PGBD2: variants seen among roughly 807,000 people sequenced by gnomAD.
PGBD2 encodes piggyBac transposable element-derived protein 2.
PGBD2 carries 6 observed loss-of-function variants against 8.1 expected under a neutral mutation model. The observed-to-expected ratio is 0.74, with a 90% CI of 0.40 to 1.46. The LOEUF (loss-of-function observed/expected upper bound fraction) is 1.46, where lower values mean the gene tolerates loss of function less well. PGBD2 is among the 40% of genes most tolerant of loss of function. The pLI, the probability that PGBD2 is intolerant of heterozygous loss-of-function variation, is 0.02. For missense variants in PGBD2, 802 were observed against 739.0 expected (o/e 1.09, Z -0.99); for synonymous variants, 318 against 272.2 (o/e 1.17, Z -1.66).
the PGBD2 span, among the ~76,000 whole-genome samples, chr1:248,889,430 G>A: frequency 8.6e-5 from 13 of 151,952 alleles, no homozygotes; most frequent in Admixed American, 7.9e-4. Flanking sequence ...TTACTGAGCC[G>A]GACACTGTAC....
chr1:248,927,756 A>T, the PGBD2 span, among the ~76,000 whole-genome samples: 1 of 152,340 alleles, frequency 6.6e-6, no homozygotes, highest in East Asian at 1.9e-4. Context: ...GAGTGAACAT[A>T]CACTGGAATT....
the PGBD2 span, among the ~76,000 whole-genome samples, chr1:248,890,436 C>T: frequency 6.6e-6 from 1 of 152,116 alleles, no homozygotes; most frequent in Non-Finnish European, 1.5e-5. Flanking sequence ...GAATCTTGCC[C>T]AAGGTCACAA....
the PGBD2 span, among the ~76,000 whole-genome samples, chr1:248,874,784 A>G: frequency 6.6e-6 from 1 of 152,168 alleles, no homozygotes; most frequent in Non-Finnish European, 1.5e-5. Context: ...ATAAGTAGAG[A>G]TAATTGAAAT....
chr1:248,885,828 G>A, the PGBD2 span, among the ~76,000 whole-genome samples: 1 of 152,208 alleles, frequency 6.6e-6, no homozygotes, highest in African/African-American at 2.4e-5. Context: ...TCAAAGTAAA[G>A]CAGAGATGCA....
rs1193754921 is a variant in PGBD2, at chr1:248,918,411, A to T, written c.*48A>T. 6.7e-7 allele frequency: 1 copy of T among 1,496,870 alleles called. No individual in the cohort carries two copies. The highest frequency in any genetic ancestry group is 8.9e-7 in the Non-Finnish European group (1 of 1,118,556). The allele number at this position is 1,496,870 out of a possible 1,614,324, so 92.7% of individuals were successfully genotyped here. A position where few individuals can be genotyped will look rare whatever the true frequency, so the allele number is the denominator to read the frequency against. The stretch of plus-strand genomic sequence containing the variant: ...GTTTATAATGAGATGTTTACAGTTA[A>T]ATACAGATGGCAGTTGAGCACTTCT... On this transcript the variant is annotated 3_prime_UTR_variant, in exon 3 of 3. Coordinates refer to ENST00000329291, the MANE Select transcript of PGBD2 (RefSeq NM_170725.3).
At chr1:248,890,910 C>A in the PGBD2 span, among the ~76,000 whole-genome samples, 1 of 151,540 alleles carries the variant, frequency 6.6e-6, no homozygotes, top group Non-Finnish European at 1.5e-5. Flanking sequence ...CAGATACACA[C>A]ATGCACCACA....
the PGBD2 span, among the ~76,000 whole-genome samples, chr1:248,882,346 C>CAGT: frequency 1.3e-5 from 2 of 152,100 alleles, no homozygotes; most frequent in Admixed American, 1.3e-4. Context: ...TGCAGAAGTA[C>CAGT]AGTATACAGA....
upstream of PGBD2, among the ~76,000 whole-genome samples, chr1:248,901,386 A>C (rs1661529844): frequency 1.3e-5 from 2 of 152,224 alleles, no homozygotes; most frequent in Admixed American, 6.5e-5. Flanking sequence ...ACTGGTACAA[A>C]AATGACACAT....
At chr1:248,885,812 G>A in the PGBD2 span, among the ~76,000 whole-genome samples, 1 of 152,124 alleles carries the variant, frequency 6.6e-6, no homozygotes, top group Non-Finnish European at 1.5e-5. Flanking sequence ...TATCTAAATT[G>A]GCAATTCAAA....
At chr1:248,901,008 A>C in the PGBD2 span, among the ~76,000 whole-genome samples, 1 of 152,186 alleles carries the variant, frequency 6.6e-6, no homozygotes, top group African/African-American at 2.4e-5. Context: ...CAAACAAAAT[A>C]AAATACCTAG....
chr1:248,901,921 AAAAC>A (rs770092806), upstream of PGBD2, among the ~76,000 whole-genome samples: 3 of 152,188 alleles, frequency 2.0e-5, no homozygotes, highest in South Asian at 2.1e-4. Flanking sequence ...TACAAGAACA[AAAAC>A]AAACAGCCCC....
At chr1:248,927,093 C>CA in the PGBD2 span, among the ~76,000 whole-genome samples, 3 of 152,274 alleles carry the variant, frequency 2.0e-5, no homozygotes, top group East Asian at 5.8e-4. Context: ...AGCTGACACA[C>CA]AAAGGCTGGC....
At chr1:248,908,964 G>A (rs140810126) in intron 1 of PGBD2, among the ~76,000 whole-genome samples, 378 of 152,112 alleles carry the variant, frequency 2.5e-3, no homozygotes, top group African/African-American at 8.5e-3. Context: ...TCCGTTTTAC[G>A]GGTTTTGATA....
chr1:248,897,310 G>A, the PGBD2 span, among the ~76,000 whole-genome samples: 3 of 138,552 alleles, frequency 2.2e-5, no homozygotes, highest in African/African-American at 1.0e-4. Context: ...CAGGATGTGA[G>A]GTCCCGTGCC....
the PGBD2 span, among the ~76,000 whole-genome samples, chr1:248,897,168 T>C: frequency 1.3e-5 from 2 of 151,950 alleles, no homozygotes; most frequent in African/African-American, 4.9e-5. Flanking sequence ...GGTGATAGCC[T>C]GTTCCTCTTC....
downstream of PGBD2, among the ~76,000 whole-genome samples, chr1:248,924,400 A>G (rs750318886): frequency 1.3e-5 from 2 of 152,212 alleles, no homozygotes; most frequent in African/African-American, 2.4e-5. Flanking sequence ...ACCCTCAGCC[A>G]ATTAACTTGT....
At chr1:248,926,624 C>A in the PGBD2 span, among the ~76,000 whole-genome samples, 8 of 152,326 alleles carry the variant, frequency 5.3e-5, no homozygotes, top group African/African-American at 1.7e-4. Flanking sequence ...TGTTATTACT[C>A]ACTAAACACA....
chr1:248,905,770 A>G (rs1661612034), upstream of PGBD2, among the ~76,000 whole-genome samples: 1 of 152,206 alleles, frequency 6.6e-6, no homozygotes, highest in Non-Finnish European at 1.5e-5. Context: ...GGAGGTTGAG[A>G]AACCCTGCCA....
At chr1:248,890,638 A>G in the PGBD2 span, among the ~76,000 whole-genome samples, 3 of 151,912 alleles carry the variant, frequency 2.0e-5, no homozygotes, top group Middle Eastern at 3.4e-3. Context: ...TACACATTAT[A>G]CACACACCAC....
Sources: gnomAD v4.1 joint callset for allele counts (sites outside exome capture counted in the v4.1 genomes callset) on GRCh38, gnomAD v4.1.1 for gene constraint, MANE v1.5 for transcripts, NCBI Gene and HGNC (gene_info 2026-07-23, HGNC 2026-07-21) for gene names.